Variants in MEGF10 observed in about 807,000 individuals in gnomAD.
MEGF10 encodes multiple EGF like domains 10.
In MEGF10, 86 loss-of-function variants were observed where a neutral mutation model predicts 147.5. That is an observed-to-expected ratio of 0.58 (90% confidence interval 0.49 to 0.70). The LOEUF (loss-of-function observed/expected upper bound fraction) is 0.70, where lower values mean the gene tolerates loss of function less well. MEGF10 is among the 30% of genes least tolerant of loss of function. MEGF10 has a pLI of 0.00. For synonymous variants in MEGF10, 478 were observed against 525.5 expected (o/e 0.91, Z 1.24); for missense variants, 1,329 against 1,487.3 (o/e 0.89, Z 1.75).
Position 127,419,394 on chromosome 5 carries a change from G to A in MEGF10, c.1426+154G>A, listed in dbSNP as rs936599556. On this transcript the variant is annotated intron_variant, in intron 11 of 24. Transcript: ENST00000503335. Reference sequence around the variant, plus strand: ...CCCCTCATCCAGTATGGGCTGGAACGCTTTCCTGAGTGAAGGGAAGAGGCT... The same window carrying A: ...CCCCTCATCCAGTATGGGCTGGAACACTTTCCTGAGTGAAGGGAAGAGGCT... Among the ~76,000 whole-genome samples the A allele has an allele frequency of 5.3e-5, 8 of 152,310 alleles. No homozygotes were observed. The East Asian group carries it at 1.5e-3, about 29-fold the overall frequency.
the MEGF10 span, among the ~76,000 whole-genome samples, chr5:127,263,018 A>C: frequency 1.1e-4 from 17 of 152,292 alleles, no homozygotes; most frequent in East Asian, 3.3e-3. Flanking sequence ...AAAAAGTAAC[A>C]ACAAAAAAGT....
intron 16 of MEGF10, among the ~76,000 whole-genome samples, chr5:127,436,583 A>T (rs1346696446): frequency 6.6e-6 from 1 of 152,226 alleles, no homozygotes; most frequent in Non-Finnish European, 1.5e-5. Context: ...GTCCAATATC[A>T]TTGTCACAAA....
intron 1 of MEGF10, among the ~76,000 whole-genome samples, chr5:127,320,470 C>G (rs1048629171): frequency 6.8e-6 from 1 of 146,936 alleles, no homozygotes; most frequent in East Asian, 2.5e-4. Context: ...AGTCTAGATA[C>G]CACAGGAAGT....
chr5:127,414,166 T>A (rs1764670861), intron 9 of MEGF10, among the ~76,000 whole-genome samples: 1 of 152,202 alleles, frequency 6.6e-6, no homozygotes. Flanking sequence ...TTGACCCCTT[T>A]ATATGTGCCA....
intron 5 of MEGF10, among the ~76,000 whole-genome samples, chr5:127,379,469 A>T (rs1240728508): frequency 1.3e-5 from 2 of 151,904 alleles, no homozygotes; most frequent in Admixed American, 1.3e-4. Flanking sequence ...ACCTTTCAGG[A>T]TATCACACTG....
the MEGF10 span, among the ~76,000 whole-genome samples, chr5:127,274,300 T>C: frequency 6.6e-6 from 1 of 152,178 alleles, no homozygotes; most frequent in Admixed American, 6.5e-5. Flanking sequence ...GAAATAATTT[T>C]GTGAAAAATT....
Position 127,398,673 on chromosome 5 carries a change from C to T in MEGF10, c.660-3C>T, listed in dbSNP as rs6595769. The T allele has an allele frequency of 0.16, 254,094 of 1,613,692 alleles. 21,498 individuals are homozygous for T. The highest frequency in any genetic ancestry group is 0.32 in the African/African-American group (23,766 of 74,962). On this transcript the variant is annotated splice_region_variant and splice_polypyrimidine_tract_variant and intron_variant, in intron 6 of 24. Transcript: ENST00000503335. ...TGTCCTTTGTCACATGTTAATCCCT[C>T]AGCTGTGAGGATCTTTGTCCTCCTG...
intron 5 of MEGF10, among the ~76,000 whole-genome samples, chr5:127,372,305 T>C (rs1201446467): frequency 1.3e-5 from 2 of 152,276 alleles, no homozygotes; most frequent in Admixed American, 1.3e-4. Context: ...AAAATACAAA[T>C]TGGTTTTATT....
chr5:127,367,447 A>G (rs981606384), intron 4 of MEGF10, among the ~76,000 whole-genome samples: 1 of 152,200 alleles, frequency 6.6e-6, no homozygotes, highest in Non-Finnish European at 1.5e-5. Context: ...GATGCCCAAG[A>G]TATAAAAACA....
chr5:127,270,561 A>C, the MEGF10 span, among the ~76,000 whole-genome samples: 2,081 of 152,352 alleles, frequency 0.014, 54 homozygotes, highest in East Asian at 0.086. Context: ...CACCCAATAC[A>C]GGAGCACCCA....
rs1346265170 is a variant in MEGF10 at position 127,460,153 on chromosome 5, T to C, written c.*2835T>C. On this transcript the variant is annotated 3_prime_UTR_variant, in exon 25 of 25. Transcript: ENST00000503335. ...TCAAAGCAGTAAAGGAGTTTAGAGA[T>C]ACTTAGCAAATGCCATTCATATAGT... 1.3e-5 allele frequency: 2 copies of C among 152,200 alleles called. No homozygotes were observed. The highest frequency in any genetic ancestry group is 4.8e-5 in the African/African-American group (2 of 41,466). The allele number at this position is 152,200 out of a possible 1,614,324, so 9.4% of individuals were successfully genotyped here.
At chr5:127,424,669 T>G (rs887966222) in intron 13 of MEGF10, 1 of 769,646 alleles carries the variant, frequency 1.3e-6, no homozygotes, top group African/African-American at 1.8e-5. Context: ...GCAATGGACT[T>G]TATTTTCTAC....
intron 12 of MEGF10, among the ~76,000 whole-genome samples, 171 bp downstream of exon 12, chr5:127,420,378 G>A (rs1326688983): frequency 6.6e-6 from 1 of 152,194 alleles, no homozygotes; most frequent in Non-Finnish European, 1.5e-5. Context: ...GATTGGAAAA[G>A]AGATAGACAT....
At chr5:127,247,380 GA>G in the MEGF10 span, among the ~76,000 whole-genome samples, 65 of 14,386 alleles carry the variant, frequency 4.5e-3, 10 homozygotes, top group African/African-American at 0.023. Context: ...AGAAGAAGAA[GA>G]AGAAGAAGAA....
rs200994008 is a variant in MEGF10 at position 127,438,479 on chromosome 5, G to A, written c.2145G>A (p.Thr715=). 2.1e-5 allele frequency: 34 copies of A among 1,614,112 alleles called. No individual in the cohort carries two copies. The highest frequency in any genetic ancestry group is 1.1e-4 in the African/African-American group (8 of 75,028). The change falls in exon 17 of 25, where the codon ACG becomes ACA. Residue 715 remains threonine (T), a synonymous_variant. Transcript: ENST00000503335. ...PAHWGPNCIH[T]CNCHNGAFCS... Reference sequence around the variant, plus strand: ...ACTGGGGCCCAAACTGCATCCACACGTGCAACTGCCATAATGGAGCTTTCT... The same window carrying A: ...ACTGGGGCCCAAACTGCATCCACACATGCAACTGCCATAATGGAGCTTTCT...
At chr5:127,453,669 A>G (rs78919147) in intron 22 of MEGF10, among the ~76,000 whole-genome samples, 4,615 of 152,238 alleles carry the variant, frequency 0.03, 229 homozygotes, top group African/African-American at 0.11. Context: ...CCTAATCTAT[A>G]GTTTTCTCCT....
intron 7 of MEGF10, 99 bp from the exon 8 acceptor site, chr5:127,402,447 C>T: frequency 7.4e-7 from 1 of 1,343,012 alleles, no homozygotes; most frequent in Non-Finnish European, 1.0e-6. Flanking sequence ...GCCCTGTTCC[C>T]CATCCCTCCT....
At chr5:127,403,477 C>T (rs1764206123) in intron 8 of MEGF10, among the ~76,000 whole-genome samples, 1 of 152,148 alleles carries the variant, frequency 6.6e-6, no homozygotes, top group African/African-American at 2.4e-5. Flanking sequence ...TCAGAAAGTA[C>T]AATGAAGTTA....
At chr5:127,426,569 A>ACC (rs1439030531) in intron 13 of MEGF10, among the ~76,000 whole-genome samples, 1 of 151,826 alleles carries the variant, frequency 6.6e-6, no homozygotes, top group East Asian at 1.9e-4. Flanking sequence ...GACCTCTGGT[A>ACC]CACACACACA....
Sources: allele counts gnomAD v4.1 joint callset (sites outside exome capture counted in the v4.1 genomes callset), GRCh38; gene constraint gnomAD v4.1.1; transcripts MANE v1.5; gene names NCBI Gene and HGNC (gene_info 2026-07-23, HGNC 2026-07-21).